CLNK: variants seen among roughly 807,000 people sequenced by gnomAD.
The protein encoded by CLNK is cytokine dependent hematopoietic cell linker.
Under a neutral mutation model 68.6 loss-of-function variants are expected in CLNK, and 74 were observed. The ratio of observed to expected loss-of-function variants is 1.08; its 90% confidence interval spans 0.89 to 1.31. CLNK has a LOEUF of 1.31. CLNK is among the 50% of genes most tolerant of loss of function. The pLI is 0.00. For synonymous variants in CLNK, 198 were observed against 172.2 expected, an observed-to-expected ratio of 1.15 and a Z score of -1.17; for missense variants, 553 against 515.3, an observed-to-expected ratio of 1.07 and a Z score of -0.71.
chr4:10,659,081 G>C (rs1157921677), intron 2 of CLNK, among the ~76,000 whole-genome samples: 3 of 152,184 alleles, frequency 2.0e-5, no homozygotes, highest in Non-Finnish European at 4.4e-5. Context: ...GTAGGCACCT[G>C]TAATCCCAGC....
chr4:10,725,094 G>T, the CLNK span, among the ~76,000 whole-genome samples: 2 of 151,982 alleles, frequency 1.3e-5, no homozygotes, highest in African/African-American at 2.4e-5. Context: ...GAAGGAGAGG[G>T]CCCAGGAGAC....
In CLNK at chr4:10,619,048, A is replaced by G. The variant is rs373613363; in HGVS notation, c.12-20999T>C. Reference sequence around the variant, plus strand: ...TTCTTTTAGCCTTGATCAATCATCAATGAGTGTCTCAGGCTCTGTCTTTGA... The same window carrying G: ...TTCTTTTAGCCTTGATCAATCATCAGTGAGTGTCTCAGGCTCTGTCTTTGA... On this transcript the variant is annotated intron_variant, in intron 2 of 18. Coordinates refer to ENST00000226951, the MANE Select transcript of CLNK (RefSeq NM_052964.4). 5.3e-5 allele frequency among the ~76,000 whole-genome samples: 8 copies of G among 152,352 alleles called. No homozygotes were observed. The East Asian group carries it at 9.6e-4, about 18-fold the overall frequency.
rs368256931 is a variant in CLNK, at chr4:10,501,287, A to T, written c.1109T>A (p.Phe370Tyr). 1 of 1,602,024 alleles carries T rather than the reference A, an allele frequency of 6.2e-7. No homozygotes were observed. Among genetic ancestry groups the T allele is most frequent in the African/African-American group, 1.4e-5 (1 of 74,028 alleles). The change falls in exon 18 of 19, where the codon TTT becomes TAT. Residue 370 changes from phenylalanine to tyrosine, a missense_variant. Coordinates refer to ENST00000226951, the MANE Select transcript of CLNK (RefSeq NM_052964.4). ...TCCTCTGAGTCCTGTCCCCAGGGCA[A>T]ACTGCTGATTCCTCTCCAGGAAGCG... The part of the protein sequence containing the change: ...KIRFLERNQQ[F>Y]ALGTGLRGDE...
chr4:10,500,418 C>T (rs951795124), intron 18 of CLNK, among the ~76,000 whole-genome samples: 7 of 152,206 alleles, frequency 4.6e-5, no homozygotes, highest in African/African-American at 1.4e-4. Context: ...CAGTGGCTCA[C>T]GCCTGTAATC....
At chr4:10,534,201 G>A (rs2108804038) in intron 11 of CLNK, among the ~76,000 whole-genome samples, 1 of 152,236 alleles carries the variant, frequency 6.6e-6, no homozygotes, top group South Asian at 2.1e-4. Flanking sequence ...CTCGGGTTTG[G>A]AATTTGCAGC....
At chr4:10,650,529 A>C (rs1723685310) in intron 2 of CLNK, among the ~76,000 whole-genome samples, 1 of 152,246 alleles carries the variant, frequency 6.6e-6, no homozygotes, top group South Asian at 2.1e-4. Flanking sequence ...TTGCCTTCAA[A>C]AGCTTTTATT....
intron 3 of CLNK, among the ~76,000 whole-genome samples, chr4:10,596,612 T>C (rs1721397399): frequency 6.6e-6 from 1 of 152,244 alleles, no homozygotes; most frequent in South Asian, 2.1e-4. Flanking sequence ...TCTCAAATAG[T>C]TTATATTCAT....
At chr4:10,652,795 A>C (rs1560263521) in intron 2 of CLNK, among the ~76,000 whole-genome samples, 1 of 152,188 alleles carries the variant, frequency 6.6e-6, no homozygotes, top group South Asian at 2.1e-4. Context: ...ATAACACTGC[A>C]TGCAATTATG....
chr4:10,602,423 T>G (rs1721618891), intron 2 of CLNK, among the ~76,000 whole-genome samples: 1 of 152,178 alleles, frequency 6.6e-6, no homozygotes. Flanking sequence ...TAAAGTGGGC[T>G]CTAAATCTTG....
intron 1 of CLNK, among the ~76,000 whole-genome samples, chr4:10,678,654 A>C (rs1296084987): frequency 1.3e-5 from 2 of 152,212 alleles, no homozygotes; most frequent in Non-Finnish European, 2.9e-5. Flanking sequence ...AATCTCCTTA[A>C]GCTGATAGGC....
chr4:10,568,623 A>G (rs1720217306), intron 5 of CLNK, among the ~76,000 whole-genome samples: 1 of 152,248 alleles, frequency 6.6e-6, no homozygotes, highest in Admixed American at 6.5e-5. Flanking sequence ...GAGGAGTCCA[A>G]GAGTAGAAGG....
upstream of CLNK, among the ~76,000 whole-genome samples, chr4:10,687,125 G>A (rs577361493): frequency 9.2e-5 from 14 of 151,360 alleles, no homozygotes; most frequent in African/African-American, 3.4e-4. Context: ...GATCAGACAT[G>A]TATTGATTTA....
At position 10,490,699 on chromosome 4, in the gene CLNK, A is replaced by G. The variant is rs550176670; in HGVS notation, c.1141-86T>C. The G allele has an allele frequency of 2.5e-4, 279 of 1,103,524 alleles. 1 individual carries two copies. The African/African-American group carries it at 3.9e-3, about 15-fold the overall frequency. The allele number at this position is 1,103,524 out of a possible 1,614,324, so 68.4% of individuals were successfully genotyped here. On this transcript the variant is annotated intron_variant, in intron 18 of 18. Transcript: ENST00000226951. ...GTATAGCCAAGGTGCTTCATTTTGC[A>G]TGGGGAAGAGGTGAACCAATTTAAC...
chr4:10,709,132 G>T, the CLNK span, among the ~76,000 whole-genome samples: 1 of 152,264 alleles, frequency 6.6e-6, no homozygotes, highest in East Asian at 1.9e-4. Flanking sequence ...ATGAATCAGG[G>T]ATCTTGAGTT....
chr4:10,499,783 C>T (rs1716965656), intron 18 of CLNK, among the ~76,000 whole-genome samples: 1 of 152,166 alleles, frequency 6.6e-6, no homozygotes, highest in Non-Finnish European at 1.5e-5. Flanking sequence ...CGACCCCTCT[C>T]CTTGGTTTGC....
At chr4:10,624,353 C>T (rs187323606) in intron 2 of CLNK, among the ~76,000 whole-genome samples, 2 of 152,188 alleles carry the variant, frequency 1.3e-5, no homozygotes, top group African/African-American at 2.4e-5. Flanking sequence ...GCTGCCCAGG[C>T]GCCATCTCGG....
intron 3 of CLNK, among the ~76,000 whole-genome samples, chr4:10,587,913 G>A (rs911725011): frequency 1.1e-4 from 16 of 152,300 alleles, no homozygotes; most frequent in African/African-American, 2.9e-4. Context: ...AACAGTTGGC[G>A]CCCTTTCAAG....
chr4:10,675,675 T>C (rs1724842350), intron 1 of CLNK, among the ~76,000 whole-genome samples: 1 of 152,212 alleles, frequency 6.6e-6, no homozygotes, highest in African/African-American at 2.4e-5. Flanking sequence ...ATAATGCTTA[T>C]GAAAATACTG....
intron 8 of CLNK, among the ~76,000 whole-genome samples, chr4:10,555,560 G>T (rs532140782): frequency 6.6e-6 from 1 of 152,296 alleles, no homozygotes; most frequent in South Asian, 2.1e-4. Context: ...CTTTAGGGAA[G>T]ATGATAAGTT....
Sources: allele counts gnomAD v4.1 joint callset (sites outside exome capture counted in the v4.1 genomes callset), GRCh38; gene constraint gnomAD v4.1.1; transcripts MANE v1.5; gene names NCBI Gene and HGNC (gene_info 2026-07-23, HGNC 2026-07-21).